PIGU: variants seen among roughly 807,000 people sequenced by gnomAD.
PIGU encodes the protein phosphatidylinositol glycan anchor biosynthesis class U, also known as GPI-anchor transamidase component PIGU.
Under a neutral mutation model 49.9 loss-of-function variants are expected in PIGU, and 24 were observed. That is an observed-to-expected ratio of 0.48 (90% CI 0.35 to 0.68). PIGU has a LOEUF of 0.68. Ranked by LOEUF, PIGU falls within the 30% of genes least tolerant of loss-of-function variation. PIGU has a pLI of 0.01. For missense variants in PIGU, 490 were observed against 532.6 expected, an observed-to-expected ratio of 0.92 and a Z score of 0.79; for synonymous variants, 220 against 205.7, an observed-to-expected ratio of 1.07 and a Z score of -0.59.
At chr20:34,621,788 T>C (rs1164630217) in intron 6 of PIGU, among the ~76,000 whole-genome samples, 2 of 152,204 alleles carry the variant, frequency 1.3e-5, no homozygotes, top group East Asian at 3.8e-4. Context: ...GTTTGCTCTA[T>C]ACGAAGAGTG....
At chr20:34,603,225 T>A (rs2047464593) in intron 7 of PIGU, among the ~76,000 whole-genome samples, 1 of 152,182 alleles carries the variant, frequency 6.6e-6, no homozygotes, top group Admixed American at 6.5e-5. Context: ...GTGGGTAATG[T>A]TCTTTTGTCA....
chr20:34,636,412 C>A (rs903908266), intron 5 of PIGU, among the ~76,000 whole-genome samples: 3 of 151,048 alleles, frequency 2.0e-5, no homozygotes, highest in Non-Finnish European at 4.4e-5. Context: ...GGCGTGGTGG[C>A]GGGTACCTGT....
At chr20:34,634,548 G>A in intron 6 of PIGU, 67 bp downstream of exon 6, 1 of 1,497,560 alleles carries the variant, frequency 6.7e-7, no homozygotes, top group South Asian at 1.4e-5. Flanking sequence ...CAAAACCACA[G>A]CACAAGTGTT....
chr20:34,646,472 G>C (rs571689197), intron 2 of PIGU, among the ~76,000 whole-genome samples: 1 of 152,142 alleles, frequency 6.6e-6, no homozygotes, highest in African/African-American at 2.4e-5. Context: ...GCAGTGGTAC[G>C]ATCTTGGCTC....
chr20:34,665,227 T>C (rs868004743), intron 1 of PIGU, among the ~76,000 whole-genome samples: 5 of 99,160 alleles, frequency 5.0e-5, no homozygotes, highest in African/African-American at 1.7e-4. Context: ...TTTTTGAGAC[T>C]GAGTCTCGCT....
At chr20:34,671,468 G>A (rs767382236) in intron 1 of PIGU, among the ~76,000 whole-genome samples, 16 of 151,640 alleles carry the variant, frequency 1.1e-4, no homozygotes, top group Admixed American at 2.0e-4. Flanking sequence ...TCTCCATGTC[G>A]GTCAGGCTAG....
intron 11 of PIGU, 136 bp from the exon 12 acceptor site, chr20:34,561,115 TCCTCAGGGCCCCCA>T (rs1468498002): frequency 1.4e-5 from 9 of 628,738 alleles, no homozygotes; most frequent in East Asian, 3.0e-5. Flanking sequence ...GGAGAGGCCC[TCCTCAGGGCCCCCA>T]CCTCAGGGCC....
intron 6 of PIGU, among the ~76,000 whole-genome samples, chr20:34,634,264 C>T (rs1448484533): frequency 6.6e-6 from 1 of 151,834 alleles, no homozygotes; most frequent in Non-Finnish European, 1.5e-5. Flanking sequence ...CAGAGACAAG[C>T]TCTTGCTATG....
chr20:34,675,693 T>C (rs1482933430), intron 1 of PIGU, among the ~76,000 whole-genome samples: 3 of 152,122 alleles, frequency 2.0e-5, no homozygotes, highest in African/African-American at 7.2e-5. Flanking sequence ...CCGTTCCCCA[T>C]ACCAACATTC....
chr20:34,627,408 T>C (rs1439853683), intron 6 of PIGU, among the ~76,000 whole-genome samples: 2 of 151,912 alleles, frequency 1.3e-5, no homozygotes, highest in Admixed American at 6.6e-5. Context: ...ATTACGAAAA[T>C]GTCTATGAAT....
At chr20:34,582,755 T>A (rs189213202) in intron 9 of PIGU, among the ~76,000 whole-genome samples, 28 of 152,232 alleles carry the variant, frequency 1.8e-4, no homozygotes, top group Middle Eastern at 3.4e-3. Flanking sequence ...AGAAGTGCAC[T>A]GACTGAGTAG....
At chr20:34,611,652 AAAAAAAAAAAAAAGAC>A (rs961531001) in intron 7 of PIGU, among the ~76,000 whole-genome samples, 1 of 135,436 alleles carries the variant, frequency 7.4e-6, no homozygotes, top group African/African-American at 2.7e-5. Context: ...GTCTCAGAAA[AAAAAAAAAAAAAAGAC>A]AAAAAAAAAA....
chr20:34,651,934 C>A lies in PIGU; in HGVS notation c.195+5246G>T, dbSNP rs182345375. ...TCCCGGGCAACAAAGTGAGACCCCC[C>A]CCATCTCTACAAAAAAAAAATTAGC... On this transcript the variant is annotated intron_variant, in intron 2 of 11. Transcript: ENST00000217446. Among the ~76,000 whole-genome samples, 338 of 152,094 alleles carry A rather than the reference C, an allele frequency of 2.2e-3. 1 individual carries two copies. Among genetic ancestry groups the A allele is most frequent in the African/African-American group, 7.6e-3 (314 of 41,484 alleles).
chr20:34,639,989 T>A (rs1986097686), intron 4 of PIGU, among the ~76,000 whole-genome samples: 1 of 151,336 alleles, frequency 6.6e-6, no homozygotes, highest in African/African-American at 2.4e-5. Flanking sequence ...AGGTCTAGAG[T>A]TCTGCAGCAA....
intron 1 of PIGU, among the ~76,000 whole-genome samples, chr20:34,659,268 C>T (rs1189559161): frequency 1.3e-4 from 13 of 102,740 alleles, no homozygotes; most frequent in East Asian, 8.9e-4. Context: ...GTCAGCCCCC[C>T]GCCCGGCCAG....
intron 2 of PIGU, among the ~76,000 whole-genome samples, chr20:34,656,427 C>G (rs1016234172): frequency 1.1e-5 from 1 of 92,114 alleles, no homozygotes; most frequent in East Asian, 3.4e-4. Flanking sequence ...GGACTACAGG[C>G]GCCCACTACC....
At chr20:34,568,298 G>A (rs549504466) in intron 11 of PIGU, among the ~76,000 whole-genome samples, 1 of 152,258 alleles carries the variant, frequency 6.6e-6, no homozygotes, top group East Asian at 1.9e-4. Context: ...GGCCTGTGAG[G>A]GACAAGCTTG....
chr20:34,632,235 C>A (rs1260635424), intron 6 of PIGU, among the ~76,000 whole-genome samples: 1 of 152,052 alleles, frequency 6.6e-6, no homozygotes, highest in Non-Finnish European at 1.5e-5. Flanking sequence ...GACAATGAAG[C>A]AATGCCTTCA....
chr20:34,653,801 T>C (rs1424105971), intron 2 of PIGU, among the ~76,000 whole-genome samples: 1 of 151,946 alleles, frequency 6.6e-6, no homozygotes, highest in Admixed American at 6.6e-5. Flanking sequence ...GAGTGTGACA[T>C]GAGCCAGGAA....
Sources: allele counts gnomAD v4.1 joint callset (sites outside exome capture counted in the v4.1 genomes callset), GRCh38; gene constraint gnomAD v4.1.1; transcripts MANE v1.5; gene names NCBI Gene and HGNC (gene_info 2026-07-23, HGNC 2026-07-21).